Variants in CTNNA2 observed in about 807,000 individuals in gnomAD.
The protein encoded by CTNNA2 is catenin alpha 2, also known as catenin alpha-2.
Under a neutral mutation model 101.0 loss-of-function variants are expected in CTNNA2, and 42 were observed. The observed-to-expected ratio is 0.42, with a 90% confidence interval of 0.32 to 0.54. The LOEUF (loss-of-function observed/expected upper bound fraction) is 0.54. CTNNA2 is among the 20% of genes least tolerant of loss of function. The probability of loss-of-function intolerance (pLI) is 0.14; values close to 1 mark genes in which losing one functional copy is unlikely to be tolerated. For synonymous variants in CTNNA2, 450 were observed against 456.4 expected, an observed-to-expected ratio of 0.99 and a Z score of 0.18; for missense variants, 871 against 1,223.1, an observed-to-expected ratio of 0.71 and a Z score of 4.29.
intron 2 of CTNNA2, among the ~76,000 whole-genome samples, chr2:79,709,287 A>C (rs547538303): frequency 4.0e-4 from 61 of 152,338 alleles, no homozygotes; most frequent in African/African-American, 1.4e-3. Flanking sequence ...AACAAGTCCT[A>C]ATATCATCTG....
At position 80,433,420 on chromosome 2, in the gene CTNNA2, G is replaced by A. The variant is rs140355214; in HGVS notation, c.1290+13819G>A. On this transcript the variant is annotated intron_variant, in intron 9 of 18. Transcript: ENST00000402739. ...GCCAAAGCCAAACACACAAATAATG[G>A]GGCAATAAGGAATTAAAGCGGGCCC... Among the ~76,000 whole-genome samples, 103 of 152,124 alleles carry A rather than the reference G, an allele frequency of 6.8e-4. 1 individual carries two copies. Among genetic ancestry groups the A allele is most frequent in the Middle Eastern group, 3.4e-3 (1 of 294 alleles).
At chr2:80,471,356 T>A (rs1002944858) in intron 9 of CTNNA2, among the ~76,000 whole-genome samples, 1 of 152,248 alleles carries the variant, frequency 6.6e-6, no homozygotes, top group Non-Finnish European at 1.5e-5. Context: ...CTCTTACCTT[T>A]GTTTGTGAAG....
At chr2:80,220,742 G>T (rs913578102) in intron 7 of CTNNA2, among the ~76,000 whole-genome samples, 9 of 152,146 alleles carry the variant, frequency 5.9e-5, no homozygotes. Context: ...AGCTCAGCTT[G>T]TACACCCTCT....
Position 80,522,933 on chromosome 2 carries a change from G to A in CTNNA2, c.1291-22049G>A, listed in dbSNP as rs138977977. 1.3e-3 allele frequency among the ~76,000 whole-genome samples: 196 copies of A among 152,286 alleles called. 5 individuals carry two copies. In the East Asian group the frequency reaches 0.035, roughly 27 times the overall value. On this transcript the variant is annotated intron_variant, in intron 9 of 18. Transcript: ENST00000402739. ...TAGTGACACTGAGCAGGAGAAGACG[G>A]GGTCCTGTGGTGCATATGTTTTGTG...
At position 79,496,650 on chromosome 2, in the gene CTNNA2, T is replaced by C. The variant is rs185401678; in HGVS notation, c.-134-8404T>C. ...TTAACTCCATTCTTATTCCTAATTTTGAATACTTTTTTATTTTCTCTCTTT... is the reference window on the plus strand; with the variant it reads ...TTAACTCCATTCTTATTCCTAATTTCGAATACTTTTTTATTTTCTCTCTTT... On this transcript the variant is annotated intron_variant, in intron 4 of 21. Transcript: ENST00000466387. Among the ~76,000 whole-genome samples, 571 of 152,144 alleles carry C rather than the reference T, an allele frequency of 3.8e-3. 3 individuals carry two copies. Among genetic ancestry groups the C allele is most frequent in the African/African-American group, 0.013 (526 of 41,550 alleles).
rs35982231 is a variant in CTNNA2, at chr2:80,183,884, G to GGTGTGT, written c.1057-209306_1057-209301dup. On this transcript the variant is annotated intron_variant, in intron 7 of 18. Transcript: ENST00000402739. Reference sequence around the variant, plus strand: ...ACGTAAGAAGAAGTGTGTGCTCTTGGGTGTGTGTGTGTGTGTGTGTGTGTG... The same window carrying GGTGTGT: ...ACGTAAGAAGAAGTGTGTGCTCTTGGGTGTGTGTGTGTGTGTGTGTGTGTGTGTGTG... Among the ~76,000 whole-genome samples, 5 of 149,552 alleles carry GGTGTGT rather than the reference G, an allele frequency of 3.3e-5. 1 individual carries two copies. In the East Asian group the frequency reaches 5.9e-4, roughly 18 times the overall value.
At position 80,393,277 on chromosome 2, in the gene CTNNA2, G is replaced by A. The variant is rs1368444172; in HGVS notation, c.1123G>A (p.Asp375Asn). Residue 375 changes from aspartate (D) to asparagine (N), a missense_variant, in exon 8 of 19, where the codon GAT becomes AAT. Asp to Asn is a conservative substitution (Grantham distance 23). Around this residue, in one of 5 missense-constraint regions of CTNNA2, gnomAD observed 647 missense variants for 831.5 expected, o/e 0.78. Transcript: ENST00000402739. ...TGATAAGATGACTAAGAAAACAAGA[G>A]ATCTAAGGAGACAGGTACTATTTTT... is the stretch of plus-strand genomic sequence containing the variant. ...AIDKMTKKTR[D>N]LRRQLRKAVM... 6.2e-7 allele frequency: 1 copy of A among 1,608,318 alleles called. No individual in the cohort carries two copies. The highest frequency in any genetic ancestry group is 8.5e-7 in the Non-Finnish European group (1 of 1,176,964).
intron 7 of CTNNA2, among the ~76,000 whole-genome samples, chr2:80,186,705 A>C (rs74714018): frequency 0.033 from 5,084 of 152,294 alleles, 86 homozygotes; most frequent in South Asian, 0.043. Context: ...TTTGATGCCA[A>C]GCCCACTTCT....
intron 7 of CTNNA2, among the ~76,000 whole-genome samples, chr2:80,391,472 A>G (rs993947442): frequency 6.6e-6 from 1 of 152,354 alleles, no homozygotes; most frequent in South Asian, 2.1e-4. Flanking sequence ...AACTAAACTC[A>G]TAACTTTTAA....
At chr2:80,237,393 T>C (rs951705052) in intron 7 of CTNNA2, among the ~76,000 whole-genome samples, 2 of 152,224 alleles carry the variant, frequency 1.3e-5, no homozygotes, top group Admixed American at 1.3e-4. Flanking sequence ...GTATTTTCAA[T>C]GTAGAATATT....
intron 7 of CTNNA2, among the ~76,000 whole-genome samples, chr2:80,201,046 T>C (rs1707174295): frequency 6.6e-6 from 1 of 152,262 alleles, no homozygotes; most frequent in Admixed American, 6.5e-5. Context: ...TGGCATAGTA[T>C]TTACACATAA....
intron 7 of CTNNA2, among the ~76,000 whole-genome samples, chr2:80,122,324 C>T (rs865843788): frequency 7.3e-5 from 11 of 151,492 alleles, no homozygotes; most frequent in Non-Finnish European, 1.0e-4. Flanking sequence ...GTTTCCCCCT[C>T]TTTCTCTGTC....
At chr2:79,757,824 A>T (rs1042297028) in intron 3 of CTNNA2, among the ~76,000 whole-genome samples, 1 of 152,166 alleles carries the variant, frequency 6.6e-6, no homozygotes, top group Non-Finnish European at 1.5e-5. Flanking sequence ...TCATGAGTTC[A>T]TTGGGGCTCA....
At chr2:79,733,860 G>A (rs1250517718) in intron 2 of CTNNA2, among the ~76,000 whole-genome samples, 1 of 152,070 alleles carries the variant, frequency 6.6e-6, no homozygotes, top group Admixed American at 6.6e-5. Flanking sequence ...TCGTGTTCAT[G>A]TCAATCAAAG....
rs1672254065 is a variant in CTNNA2 at position 80,341,608 on chromosome 2, CAAT to C, written c.1057-51597_1057-51595del. The stretch of plus-strand genomic sequence containing the variant: ...GGCTATAATCAAAAAAGAAGATGGA[CAAT>C]AATAAGTGTGGGAGAGGATATGGAG... On this transcript the variant is annotated intron_variant, in intron 7 of 18. Coordinates refer to ENST00000402739, the MANE Select transcript of CTNNA2 (RefSeq NM_001282597.3). 2.6e-5 allele frequency among the ~76,000 whole-genome samples: 4 copies of C among 152,052 alleles called. No homozygotes were observed. In the South Asian group the frequency reaches 8.3e-4, roughly 32 times the overall value.
At chr2:79,311,408 C>CAAAAAAAAAAAAA (rs753633073) in intron 2 of CTNNA2, among the ~76,000 whole-genome samples, 71 of 67,016 alleles carry the variant, frequency 1.1e-3, no homozygotes, top group African/African-American at 1.9e-3. Flanking sequence ...GACTCCGTCT[C>CAAAAAAAAAAAAA]AAAAAAAAAA....
intron 7 of CTNNA2, among the ~76,000 whole-genome samples, chr2:80,366,150 C>T (rs867604456): frequency 6.6e-6 from 1 of 152,138 alleles, no homozygotes; most frequent in Non-Finnish European, 1.5e-5. Flanking sequence ...CTAAGGACTT[C>T]TGGGGTTCTG....
chr2:79,728,295 T>C (rs894128348), intron 2 of CTNNA2, among the ~76,000 whole-genome samples: 4 of 152,186 alleles, frequency 2.6e-5, no homozygotes, highest in South Asian at 4.1e-4. Context: ...TGGTATCTCA[T>C]TGTGGTTTTG....
chr2:80,139,927 T>C (rs1358557936), intron 7 of CTNNA2, among the ~76,000 whole-genome samples: 1 of 152,144 alleles, frequency 6.6e-6, no homozygotes, highest in Non-Finnish European at 1.5e-5. Flanking sequence ...GTCTCCCACA[T>C]TGGTGAACAC....
Sources: allele counts gnomAD v4.1 joint callset (sites outside exome capture counted in the v4.1 genomes callset), GRCh38; gene constraint gnomAD v4.1.1; regional missense constraint gnomAD v4.1.1; transcripts MANE v1.5; gene names NCBI Gene and HGNC (gene_info 2026-07-23, HGNC 2026-07-21).